The following P3H2 variants were observed in gnomAD, a reference collection of about 807,000 sequenced individuals.
P3H2 encodes prolyl 3-hydroxylase 2.
P3H2 carries 80 observed loss-of-function variants against 87.0 expected under a neutral mutation model. The observed-to-expected ratio is 0.92, with a 90% CI of 0.77 to 1.11. The LOEUF is 1.11. Ranked by LOEUF, P3H2 falls within the 50% of genes least tolerant of loss-of-function variation. The pLI is 0.00. For missense variants in P3H2, 1,001 were observed against 923.9 expected (o/e 1.08, Z -1.08); for synonymous variants, 367 against 359.3 (o/e 1.02, Z -0.24).
At chr3:189,965,674 C>T (rs889008845) in intron 13 of P3H2, among the ~76,000 whole-genome samples, 15 of 152,022 alleles carry the variant, frequency 9.9e-5, no homozygotes, top group African/African-American at 3.4e-4. Flanking sequence ...AAAGGTAAAA[C>T]CTGTGAAGTA....
chr3:190,098,217 G>T (rs1220439291), intron 1 of P3H2, among the ~76,000 whole-genome samples: 1 of 152,022 alleles, frequency 6.6e-6, no homozygotes, highest in Non-Finnish European at 1.5e-5. Flanking sequence ...TTGCATACGT[G>T]TTCCATAATC....
intron 1 of P3H2, among the ~76,000 whole-genome samples, chr3:190,045,776 G>GAA (rs368984204): frequency 3.2e-4 from 48 of 149,062 alleles, no homozygotes; most frequent in South Asian, 8.5e-4. Context: ...CGTCTTTCCT[G>GAA]AAAAAAAAAA....
At chr3:190,056,100 C>G (rs1726145501) in intron 1 of P3H2, among the ~76,000 whole-genome samples, 1 of 152,148 alleles carries the variant, frequency 6.6e-6, no homozygotes, top group South Asian at 2.1e-4. Context: ...AGAAAGCTCT[C>G]TCTCTCTGCC....
chr3:190,030,003 AAAAAAAAAAAG>A lies in P3H2; in HGVS notation c.481-34572_481-34562del, dbSNP rs1484989748. Among the ~76,000 whole-genome samples, 88 of 26,808 alleles carry A rather than the reference AAAAAAAAAAAG, an allele frequency of 3.3e-3. 1 individual carries two copies. The highest frequency in any genetic ancestry group is 5.3e-3 in the African/African-American group (83 of 15,608). 17.6% of individuals were successfully genotyped at this position (26,808 alleles called of 152,430 possible). Reference sequence around the variant, plus strand: ...AGCAACAAGAGTTAAACTCCGTCTCAAAAAAAAAAAGAAAAAAAAAGAAAAAAAGATAATGT... The same window carrying A: ...AGCAACAAGAGTTAAACTCCGTCTCAAAAAAAAAAGAAAAAAAGATAATGT... On this transcript the variant is annotated intron_variant, in intron 1 of 14. Coordinates refer to ENST00000319332, the MANE Select transcript of P3H2 (RefSeq NM_018192.4).
chr3:190,049,231 A>G (rs963302874), intron 1 of P3H2, among the ~76,000 whole-genome samples: 4 of 151,830 alleles, frequency 2.6e-5, no homozygotes, highest in African/African-American at 9.7e-5. Flanking sequence ...AGAAACACAC[A>G]TATGTGAGGC....
At chr3:190,031,794 T>C (rs1719625) in intron 1 of P3H2, among the ~76,000 whole-genome samples, 119,280 of 151,550 alleles carry the variant, frequency 0.79, 47,012 homozygotes, top group East Asian at 0.86. Flanking sequence ...AGCTAAGATT[T>C]GTGACATACA....
At chr3:190,035,139 G>A (rs1004523604) in intron 1 of P3H2, among the ~76,000 whole-genome samples, 3 of 152,000 alleles carry the variant, frequency 2.0e-5, no homozygotes, top group South Asian at 2.1e-4. Flanking sequence ...GTAAGCCACC[G>A]CATCTGCCCC....
chr3:190,059,516 A>G (rs1369308545), intron 1 of P3H2, among the ~76,000 whole-genome samples: 2 of 152,140 alleles, frequency 1.3e-5, no homozygotes, highest in Non-Finnish European at 2.9e-5. Context: ...AAAGACTAAG[A>G]GAATGAGAAA....
chr3:189,973,410 G>A (rs943218265), intron 10 of P3H2, among the ~76,000 whole-genome samples: 4 of 151,876 alleles, frequency 2.6e-5, no homozygotes, highest in East Asian at 1.9e-4. Flanking sequence ...ATGGCTGAAC[G>A]GAGGAATGAT....
At chr3:190,010,298 C>T (rs939643419) in intron 1 of P3H2, among the ~76,000 whole-genome samples, 1 of 152,020 alleles carries the variant, frequency 6.6e-6, no homozygotes, top group Non-Finnish European at 1.5e-5. Flanking sequence ...ATGTAATACA[C>T]CAGAGACCTG....
chr3:190,072,889 A>G (rs1012766616), intron 1 of P3H2, among the ~76,000 whole-genome samples: 1 of 152,224 alleles, frequency 6.6e-6, no homozygotes, highest in Admixed American at 6.5e-5. Context: ...TGTTATCTAT[A>G]CTTTGCTTCT....
intron 1 of P3H2, among the ~76,000 whole-genome samples, chr3:190,076,791 C>T (rs943370806): frequency 1.3e-5 from 2 of 152,172 alleles, no homozygotes; most frequent in Non-Finnish European, 2.9e-5. Context: ...CCACAGCCTT[C>T]TCTTATAAAC....
At chr3:190,104,349 C>G (rs1711749375) in intron 1 of P3H2, among the ~76,000 whole-genome samples, 1 of 152,106 alleles carries the variant, frequency 6.6e-6, no homozygotes, top group African/African-American at 2.4e-5. Flanking sequence ...CATGGACTTC[C>G]ACCCACTCCC....
intron 1 of P3H2, among the ~76,000 whole-genome samples, chr3:190,038,380 C>T (rs1725491351): frequency 6.6e-6 from 1 of 150,864 alleles, no homozygotes; most frequent in South Asian, 2.1e-4. Context: ...CCTGAGCATA[C>T]AGTCTTCCTC....
intron 1 of P3H2, among the ~76,000 whole-genome samples, chr3:190,013,767 G>A (rs2108936219): frequency 6.6e-6 from 1 of 152,266 alleles, no homozygotes; most frequent in East Asian, 1.9e-4. Flanking sequence ...GAATGGTCCT[G>A]GCTGCCAAAT....
chr3:190,114,864 A>G (rs1275851645), intron 1 of P3H2, among the ~76,000 whole-genome samples: 1 of 152,396 alleles, frequency 6.6e-6, no homozygotes, highest in East Asian at 1.9e-4. Flanking sequence ...AAATATACAT[A>G]TTCTACAAAT....
At chr3:190,075,873 G>A (rs1357659054) in intron 1 of P3H2, among the ~76,000 whole-genome samples, 1 of 152,102 alleles carries the variant, frequency 6.6e-6, no homozygotes. Flanking sequence ...TATTTTAGAG[G>A]AATAATGTGA....
intron 1 of P3H2, among the ~76,000 whole-genome samples, chr3:190,110,510 G>C (rs143653432): frequency 6.6e-6 from 1 of 152,090 alleles, no homozygotes; most frequent in Non-Finnish European, 1.5e-5. Flanking sequence ...TGTCCCTGGC[G>C]GCATTTATAA....
intron 12 of P3H2, among the ~76,000 whole-genome samples, chr3:189,971,116 A>C (rs1723165579): frequency 6.6e-6 from 1 of 152,246 alleles, no homozygotes; most frequent in Non-Finnish European, 1.5e-5. Flanking sequence ...AATTGTAATC[A>C]TATGTCAAAG....
Sources: allele counts gnomAD v4.1 joint callset (sites outside exome capture counted in the v4.1 genomes callset), GRCh38; gene constraint gnomAD v4.1.1; transcripts MANE v1.5; gene names NCBI Gene and HGNC (gene_info 2026-07-23, HGNC 2026-07-21).